The following PTPRK variants were observed in gnomAD, a reference collection of about 807,000 sequenced individuals.
PTPRK encodes the protein receptor-type tyrosine-protein phosphatase kappa.
In PTPRK, 75 loss-of-function variants were observed where a neutral mutation model predicts 178.0. The ratio of observed to expected loss-of-function variants is 0.42; its 90% CI spans 0.35 to 0.51. PTPRK has a LOEUF of 0.51. Among genes scored for constraint, PTPRK ranks in the 20% least tolerant of loss-of-function variants. The pLI, the probability that PTPRK is intolerant of heterozygous loss-of-function variation, is 0.02. For missense variants in PTPRK, 1,441 were observed against 1,797.8 expected (o/e 0.80, Z 3.59); for synonymous variants, 637 against 620.6 (o/e 1.03, Z -0.39).
intron 13 of PTPRK, among the ~76,000 whole-genome samples, chr6:128,015,335 T>C (rs1447539245): frequency 1.3e-5 from 2 of 151,758 alleles, no homozygotes; most frequent in Admixed American, 6.6e-5. Flanking sequence ...TTCATCAAGC[T>C]TCCCACTAAA....
chr6:128,275,252 A>C (rs1016045670), intron 3 of PTPRK, among the ~76,000 whole-genome samples: 2 of 152,036 alleles, frequency 1.3e-5, no homozygotes, highest in Non-Finnish European at 2.9e-5. Flanking sequence ...AAGGATTCTG[A>C]CTCAAGCTCT....
chr6:128,458,310 T>G (rs2128410559), intron 1 of PTPRK, among the ~76,000 whole-genome samples: 1 of 152,326 alleles, frequency 6.6e-6, no homozygotes, highest in South Asian at 2.1e-4. Flanking sequence ...CAGGGATTGC[T>G]TATTCTTAAG....
intron 1 of PTPRK, among the ~76,000 whole-genome samples, chr6:128,461,173 A>T (rs1404818644): frequency 6.6e-6 from 1 of 151,922 alleles, no homozygotes; most frequent in Non-Finnish European, 1.5e-5. Flanking sequence ...ATATTTATAC[A>T]TTTGTAGTAT....
At chr6:128,080,497 G>A (rs1784625152) in intron 10 of PTPRK, among the ~76,000 whole-genome samples, 1 of 152,012 alleles carries the variant, frequency 6.6e-6, no homozygotes, top group African/African-American at 2.4e-5. Context: ...CTGTCTAGAT[G>A]GAAGAAAAGG....
chr6:128,328,493 C>G (rs2128324307), intron 2 of PTPRK, among the ~76,000 whole-genome samples: 1 of 152,158 alleles, frequency 6.6e-6, no homozygotes, highest in East Asian at 1.9e-4. Context: ...AAAACAACAA[C>G]AAAAAGAAAA....
chr6:128,246,291 T>C (rs1233716215), intron 3 of PTPRK, among the ~76,000 whole-genome samples: 1 of 152,196 alleles, frequency 6.6e-6, no homozygotes, highest in South Asian at 2.1e-4. Flanking sequence ...AGCTTCACTT[T>C]CTTGAGTTGT....
At chr6:128,371,460 A>G (rs527503125) in intron 2 of PTPRK, among the ~76,000 whole-genome samples, 1 of 152,320 alleles carries the variant, frequency 6.6e-6, no homozygotes, top group South Asian at 2.1e-4. Flanking sequence ...ACAGATTTGA[A>G]CTATAGTTCT....
chr6:128,271,330 G>T (rs1229094930), intron 3 of PTPRK, among the ~76,000 whole-genome samples: 1 of 152,260 alleles, frequency 6.6e-6, no homozygotes, highest in East Asian at 1.9e-4. Flanking sequence ...TTTAAACTCT[G>T]ACAGGGATGG....
intron 5 of PTPRK, among the ~76,000 whole-genome samples, 178 bp downstream of exon 5, chr6:128,239,857 A>G (rs9402030): frequency 0.096 from 14,570 of 152,262 alleles, 1,534 homozygotes; most frequent in East Asian, 0.35. Context: ...TTTATTTCAG[A>G]AAAGGAAATC....
chr6:128,418,811 C>G (rs1474021578), intron 1 of PTPRK, among the ~76,000 whole-genome samples: 1 of 151,972 alleles, frequency 6.6e-6, no homozygotes, highest in Non-Finnish European at 1.5e-5. Context: ...CTTAGGGTGT[C>G]TCTGACATTA....
chr6:128,237,832 T>A (rs1033840530), intron 5 of PTPRK, among the ~76,000 whole-genome samples: 2 of 152,034 alleles, frequency 1.3e-5, no homozygotes, highest in East Asian at 1.9e-4. Flanking sequence ...TTTATTATGT[T>A]TTTTTTTACT....
chr6:128,065,925 C>T (rs1781673253), intron 12 of PTPRK, among the ~76,000 whole-genome samples: 2 of 152,180 alleles, frequency 1.3e-5, no homozygotes, highest in Admixed American at 1.3e-4. Context: ...GCCAAGATAA[C>T]TGTGAAATAT....
intron 13 of PTPRK, among the ~76,000 whole-genome samples, chr6:128,041,935 C>A (rs940621439): frequency 2.3e-4 from 35 of 151,728 alleles, no homozygotes; most frequent in African/African-American, 8.0e-4. Context: ...AAAGGCTACA[C>A]CTTCAACATT....
chr6:128,305,488 A>G (rs1826240612), intron 3 of PTPRK, among the ~76,000 whole-genome samples: 1 of 152,222 alleles, frequency 6.6e-6, no homozygotes, highest in South Asian at 2.1e-4. Flanking sequence ...TATTATTGCT[A>G]TGGTAGCATT....
At chr6:128,369,403 T>C (rs1410710607) in intron 2 of PTPRK, among the ~76,000 whole-genome samples, 2 of 152,136 alleles carry the variant, frequency 1.3e-5, no homozygotes, top group East Asian at 1.9e-4. Context: ...ACAATATAGA[T>C]ATTTTATAAG....
At position 128,284,553 on chromosome 6, in the gene PTPRK, C is replaced by A. The variant is rs145127442; in HGVS notation, c.495+37486G>T. 2.2e-3 allele frequency among the ~76,000 whole-genome samples: 333 copies of A among 152,290 alleles called. 7 individuals carry two copies. The highest frequency in any genetic ancestry group is 0.014 in the East Asian group (74 of 5,180). ...GTGTCCAATGCAAGAATGAATGTTT[C>A]TACTTTGCAGCAAAACTCCTAAAGG... On this transcript the variant is annotated intron_variant, in intron 3 of 29. Transcript: ENST00000368226.
chr6:128,045,845 G>C (rs1289189262), intron 13 of PTPRK, among the ~76,000 whole-genome samples: 3 of 151,988 alleles, frequency 2.0e-5, no homozygotes, highest in African/African-American at 7.2e-5. Context: ...ATTTCAATAA[G>C]AAATTTCTGA....
At chr6:128,409,073 T>C (rs182545074) in intron 1 of PTPRK, among the ~76,000 whole-genome samples, 1 of 152,304 alleles carries the variant, frequency 6.6e-6, no homozygotes, top group African/African-American at 2.4e-5. Context: ...ATATGTGACA[T>C]AAAAGTGTCC....
rs1367568238 is a variant in PTPRK at position 127,976,671 on chromosome 6, A to G, written c.3955T>C (p.Cys1319Arg). The G allele has an allele frequency of 1.2e-6, 2 of 1,614,074 alleles. No individual in the cohort carries two copies. The highest frequency in any genetic ancestry group is 3.3e-5 in the Admixed American group (2 of 60,024). ...CDVINRIFRI[C>R]NLTRPQEGYL... ...TAGTGACTTACTCTTGTTAGATTGC[A>G]TATCCTAAAAATCCGGTTGATCACA... is the stretch of plus-strand genomic sequence containing the variant. The change falls in exon 27 of 30, where the codon TGC becomes CGC. Residue 1319 changes from cysteine (C) to arginine (R), a missense_variant. Physicochemically the swap from Cys to Arg is radical, Grantham distance 180. Transcript: ENST00000368226.
Sources: gnomAD v4.1 joint callset for allele counts (sites outside exome capture counted in the v4.1 genomes callset) on GRCh38, gnomAD v4.1.1 for gene constraint, MANE v1.5 for transcripts, NCBI Gene and HGNC (gene_info 2026-07-23, HGNC 2026-07-21) for gene names.